The following KIFAP3 variants were observed in gnomAD, a reference collection of about 807,000 sequenced individuals.
KIFAP3 encodes the protein kinesin-associated protein 3.
Under a neutral mutation model 106.5 loss-of-function variants are expected in KIFAP3, and 68 were observed. The ratio of observed to expected loss-of-function variants is 0.64; its 90% CI spans 0.53 to 0.78. KIFAP3 has a LOEUF of 0.78. Ranked by LOEUF, KIFAP3 falls within the 30% of genes least tolerant of loss-of-function variation. The probability of loss-of-function intolerance (pLI) is 0.00; values close to 1 mark genes in which losing one functional copy is unlikely to be tolerated. For synonymous variants in KIFAP3, 320 were observed against 311.5 expected, an observed-to-expected ratio of 1.03 and a Z score of -0.29; for missense variants, 780 against 941.8, an observed-to-expected ratio of 0.83 and a Z score of 2.25.
intron 2 of KIFAP3, among the ~76,000 whole-genome samples, chr1:170,053,500 A>C (rs558048034): frequency 6.6e-6 from 1 of 152,198 alleles, no homozygotes; most frequent in South Asian, 2.1e-4. Context: ...CATATGGAAC[A>C]AAAAAAGAGC....
At chr1:170,067,096 G>A (rs12136554) in intron 1 of KIFAP3, among the ~76,000 whole-genome samples, 10,869 of 151,982 alleles carry the variant, frequency 0.072, 434 homozygotes, top group Non-Finnish European at 0.095. Flanking sequence ...GATTAGATAC[G>A]GGTAAGGAGA....
At chr1:170,011,516 T>C (rs1668241024) in intron 10 of KIFAP3, among the ~76,000 whole-genome samples, 1 of 151,804 alleles carries the variant, frequency 6.6e-6, no homozygotes, top group Non-Finnish European at 1.5e-5. Flanking sequence ...ATATGTAATA[T>C]ATAGACATAT....
chr1:169,980,917 C>A (rs891128286), intron 15 of KIFAP3, among the ~76,000 whole-genome samples: 1 of 152,106 alleles, frequency 6.6e-6, no homozygotes, highest in African/African-American at 2.4e-5. Context: ...GCCTGACCAA[C>A]ATGGAGAAAC....
At chr1:170,017,425 C>CT (rs1342303617) in intron 9 of KIFAP3, among the ~76,000 whole-genome samples, 1 of 151,498 alleles carries the variant, frequency 6.6e-6, no homozygotes, top group East Asian at 1.9e-4. Flanking sequence ...AAAAAAATGA[C>CT]TAAGAATTTG....
chr1:170,083,817 G>A (rs185206869), intron 1 of KIFAP3, among the ~76,000 whole-genome samples: 1 of 152,204 alleles, frequency 6.6e-6, no homozygotes, highest in East Asian at 1.9e-4. Context: ...AAAATTGGGG[G>A]AAATACCCAT....
intron 18 of KIFAP3, among the ~76,000 whole-genome samples, chr1:169,954,641 C>T (rs2101845651): frequency 6.6e-6 from 1 of 152,182 alleles, no homozygotes; most frequent in South Asian, 2.1e-4. Context: ...AAGTGCCAGA[C>T]ATTAAAACAC....
chr1:169,999,052 A>G (rs1300262918), intron 10 of KIFAP3, among the ~76,000 whole-genome samples: 2 of 152,236 alleles, frequency 1.3e-5, no homozygotes, highest in Non-Finnish European at 2.9e-5. Context: ...ATTTAATATT[A>G]CGACTTAAAG....
At chr1:169,963,279 G>A (rs1665429985) in intron 17 of KIFAP3, among the ~76,000 whole-genome samples, 1 of 152,122 alleles carries the variant, frequency 6.6e-6, no homozygotes, top group South Asian at 2.1e-4. Flanking sequence ...CAAAGGACAT[G>A]ATCTCGTTCT....
intron 1 of KIFAP3, among the ~76,000 whole-genome samples, chr1:170,079,813 T>C (rs1671991725): frequency 6.6e-6 from 1 of 152,016 alleles, no homozygotes; most frequent in Non-Finnish European, 1.5e-5. Context: ...AGAATGTCAA[T>C]GTATTTTGAT....
intron 1 of KIFAP3, among the ~76,000 whole-genome samples, chr1:170,083,346 G>A (rs915292787): frequency 2.0e-5 from 3 of 152,232 alleles, no homozygotes; most frequent in South Asian, 4.2e-4. Flanking sequence ...TCTCCCAAAC[G>A]GGTTATAAAT....
chr1:170,067,280 T>C (rs971486923), intron 1 of KIFAP3, among the ~76,000 whole-genome samples: 2 of 152,044 alleles, frequency 1.3e-5, no homozygotes, highest in Admixed American at 6.6e-5. Flanking sequence ...GAGCAATATA[T>C]GAAAAGATAA....
intron 10 of KIFAP3, among the ~76,000 whole-genome samples, chr1:169,994,342 G>T (rs1410500267): frequency 6.6e-6 from 1 of 152,114 alleles, no homozygotes; most frequent in East Asian, 1.9e-4. Flanking sequence ...GATGCCTTTG[G>T]TATTCAACAT....
chr1:170,014,618 G>A (rs1668413902), intron 10 of KIFAP3, among the ~76,000 whole-genome samples: 1 of 152,106 alleles, frequency 6.6e-6, no homozygotes, highest in South Asian at 2.1e-4. Flanking sequence ...ATAGTGCTTA[G>A]CGCTGTGCTT....
At chr1:169,962,915 C>G (rs1044082578) in intron 17 of KIFAP3, among the ~76,000 whole-genome samples, 1 of 152,114 alleles carries the variant, frequency 6.6e-6, no homozygotes, top group African/African-American at 2.4e-5. Flanking sequence ...TATAGTAATG[C>G]TAGTGACAAT....
intron 10 of KIFAP3, among the ~76,000 whole-genome samples, chr1:170,005,580 C>T (rs1481318301): frequency 2.0e-5 from 3 of 151,414 alleles, no homozygotes; most frequent in Admixed American, 2.0e-4. Flanking sequence ...AGCTGGAAAC[C>T]ATCATTCTCA....
intron 1 of KIFAP3, among the ~76,000 whole-genome samples, chr1:170,061,050 A>G (rs1390221101): frequency 6.6e-6 from 1 of 152,260 alleles, no homozygotes; most frequent in Non-Finnish European, 1.5e-5. Flanking sequence ...ACCTAAAACC[A>G]TAAAAACCCT....
chr1:169,956,184 C>T (rs1017384075), intron 18 of KIFAP3, among the ~76,000 whole-genome samples: 13 of 151,740 alleles, frequency 8.6e-5, no homozygotes, highest in Admixed American at 3.3e-4. Flanking sequence ...ATATGCCACA[C>T]GTGGAAAATA....
rs372067319 is a variant in KIFAP3 at position 170,052,837 on chromosome 1, A to G, written c.164+2468T>C. ...TCAATAAACTAGGTACTGATGGAACATATCTCAAAATAATAAGAGCTATTT... is the reference window on the plus strand; with the variant it reads ...TCAATAAACTAGGTACTGATGGAACGTATCTCAAAATAATAAGAGCTATTT... On this transcript the variant is annotated intron_variant, in intron 2 of 19. Transcript: ENST00000361580. Among the ~76,000 whole-genome samples the G allele has an allele frequency of 2.0e-5, 3 of 152,150 alleles. No homozygotes were observed. In the East Asian group the frequency reaches 5.8e-4, roughly 29 times the overall value.
At chr1:170,050,637 C>A (rs1048378803) in intron 2 of KIFAP3, among the ~76,000 whole-genome samples, 3 of 152,174 alleles carry the variant, frequency 2.0e-5, no homozygotes, top group African/African-American at 7.2e-5. Flanking sequence ...AGACTAACAG[C>A]GGATCTCTCT....
Sources: gnomAD v4.1 joint callset for allele counts (sites outside exome capture counted in the v4.1 genomes callset) on GRCh38, gnomAD v4.1.1 for gene constraint, MANE v1.5 for transcripts, NCBI Gene and HGNC (gene_info 2026-07-23, HGNC 2026-07-21) for gene names.